Variants in LPCAT3 observed in about 807,000 individuals in gnomAD.
The protein encoded by LPCAT3 is lysophosphatidylcholine acyltransferase 3, also known as lysophospholipid acyltransferase 5.
Under a neutral mutation model 63.4 loss-of-function variants are expected in LPCAT3, and 21 were observed. The ratio of observed to expected loss-of-function variants is 0.33; its 90% CI spans 0.23 to 0.48. The LOEUF (loss-of-function observed/expected upper bound fraction) is 0.48. LPCAT3 is among the 20% of genes least tolerant of loss of function. The pLI, the probability that LPCAT3 is intolerant of heterozygous loss-of-function variation, is 0.99. For synonymous variants in LPCAT3, 242 were observed against 227.5 expected (o/e 1.06, Z -0.58); for missense variants, 451 against 590.6 (o/e 0.76, Z 2.45).
intron 1 of LPCAT3, among the ~76,000 whole-genome samples, chr12:6,996,710 ATTCTT>A (rs782768812): frequency 3.5e-4 from 53 of 152,356 alleles, no homozygotes; most frequent in Non-Finnish European, 6.0e-4. Flanking sequence ...GGTGCTTTCT[ATTCTT>A]AAGGAGCAAA....
intron 1 of LPCAT3, among the ~76,000 whole-genome samples, chr12:6,984,075 G>T (rs143981482): frequency 3.2e-4 from 48 of 152,326 alleles, no homozygotes; most frequent in African/African-American, 1.2e-3. Flanking sequence ...TGTATTATCA[G>T]ATTATGAGGA....
At chr12:6,998,621 C>G (rs991672535) in intron 1 of LPCAT3, among the ~76,000 whole-genome samples, 1 of 152,178 alleles carries the variant, frequency 6.6e-6, no homozygotes, top group Admixed American at 6.5e-5. Context: ...TACAAAATCT[C>G]ATTACTGACC....
chr12:6,989,938 T>A (rs1317954374), intron 1 of LPCAT3, among the ~76,000 whole-genome samples: 6 of 151,982 alleles, frequency 3.9e-5, no homozygotes, highest in Admixed American at 3.9e-4. Flanking sequence ...TTTGGGAGGC[T>A]GAGACGGGAG....
At chr12:6,993,264 CCT>C in intron 1 of LPCAT3, among the ~76,000 whole-genome samples, 1 of 152,064 alleles carries the variant, frequency 6.6e-6, no homozygotes, top group East Asian at 1.9e-4. Context: ...ATGGTGAAAC[CCT>C]GTCTCTACTA....
chr12:6,992,920 A>T (rs1946602591), intron 1 of LPCAT3, among the ~76,000 whole-genome samples: 1 of 152,194 alleles, frequency 6.6e-6, no homozygotes, highest in Non-Finnish European at 1.5e-5. Context: ...GATTACTCAT[A>T]ATACCTAATA....
At chr12:6,999,983 A>T (rs909895980) in intron 1 of LPCAT3, among the ~76,000 whole-genome samples, 1 of 139,282 alleles carries the variant, frequency 7.2e-6, no homozygotes. Flanking sequence ...GCAGTAGTGC[A>T]GTCTTGGCTC....
chr12:6,978,750 A>G, intron 7 of LPCAT3, 61 bp from the exon 8 acceptor site: 3 of 1,593,772 alleles, frequency 1.9e-6, no homozygotes, highest in Non-Finnish European at 2.6e-6. Context: ...TTCTCTCAGC[A>G]CTCTTCCTTT....
At chr12:7,007,764 G>A (rs1459629507) in intron 1 of LPCAT3, among the ~76,000 whole-genome samples, 2 of 151,962 alleles carry the variant, frequency 1.3e-5, no homozygotes, top group Non-Finnish European at 2.9e-5. Context: ...CAAAGTGCTG[G>A]GATTACAGGC....
At chr12:6,980,982 C>G (rs782406411) in intron 6 of LPCAT3, 22 bp downstream of exon 6, 1 of 1,559,588 alleles carries the variant, frequency 6.4e-7, no homozygotes, top group East Asian at 2.3e-5. Flanking sequence ...ACACAAACAT[C>G]TGGACCAAGA....
chr12:7,011,026 T>C (rs1555157178), intron 1 of LPCAT3, among the ~76,000 whole-genome samples: 1 of 152,128 alleles, frequency 6.6e-6, no homozygotes, highest in African/African-American at 2.4e-5. Flanking sequence ...ATTTATTTAT[T>C]TATTTTTGAG....
rs1043535912 is a variant in LPCAT3, at chr12:6,987,069, C to T, written c.152-3530G>A. Among the ~76,000 whole-genome samples the T allele has an allele frequency of 4.0e-5, 6 of 151,572 alleles. No homozygotes were observed. Among genetic ancestry groups the T allele is most frequent in the South Asian group, 2.1e-4 (1 of 4,818 alleles). On this transcript the variant is annotated intron_variant, in intron 1 of 12. Transcript: ENST00000261407. The surrounding 1 kb of genome is among the most constrained non-coding windows in gnomAD (Gnocchi z 4.1). ...CGGAGGTGGCAGTGAGCTGAGATCA[C>T]GCCATTGCACTCCAGCTTGGGCAAC...
chr12:6,999,193 C>G (rs1555156328), intron 1 of LPCAT3, among the ~76,000 whole-genome samples: 1 of 152,108 alleles, frequency 6.6e-6, no homozygotes, highest in East Asian at 1.9e-4. Context: ...TTTAGGTGTA[C>G]TTTCTTTGTT....
chr12:6,981,569 C>T (rs1555154067), intron 5 of LPCAT3, 26 bp downstream of exon 5: 2 of 1,612,426 alleles, frequency 1.2e-6, no homozygotes, highest in African/African-American at 2.7e-5. Context: ...AGTCTTGAAC[C>T]TCTCTGCCGA....
Position 6,981,022 on chromosome 12 carries a change from G to T in LPCAT3, c.659C>A (p.Pro220Gln). ...KLVQGELIDIPGKIPNSIIPA... is the reference protein window; with the variant it reads ...KLVQGELIDIQGKIPNSIIPA... ...CAATTACCTGTTTGGTATCTTTCCTGGTATGTCAATCAGCTCTCCCTGCAC... is the reference window on the plus strand; with the variant it reads ...CAATTACCTGTTTGGTATCTTTCCTTGTATGTCAATCAGCTCTCCCTGCAC... The change falls in exon 6 of 13, where the codon CCA (proline) becomes CAA (glutamine). Residue 220 changes from proline (P) to glutamine (Q), a missense_variant. Coordinates refer to ENST00000261407, the MANE Select transcript of LPCAT3 (RefSeq NM_005768.6). 6.2e-7 allele frequency: 1 copy of T among 1,601,582 alleles called. No individual in the cohort carries two copies. Among genetic ancestry groups the T allele is most frequent in the African/African-American group, 1.3e-5 (1 of 74,204 alleles).
chr12:6,984,410 C>A (rs1946501690), intron 1 of LPCAT3, among the ~76,000 whole-genome samples: 1 of 152,216 alleles, frequency 6.6e-6, no homozygotes, highest in African/African-American at 2.4e-5. Flanking sequence ...TGCAGACTCA[C>A]CTTCAGTGTT....
intron 3 of LPCAT3, 145 bp from the exon 4 acceptor site, chr12:6,982,049 C>T: frequency 1.6e-6 from 1 of 619,386 alleles, no homozygotes; most frequent in Non-Finnish European, 2.9e-6. Flanking sequence ...GTGCTGAAAA[C>T]CTGTAATGGG....
chr12:6,977,094 G>T lies in LPCAT3; in HGVS notation c.*12+40C>A. On this transcript the variant is annotated intron_variant, in intron 12 of 12. Coordinates refer to ENST00000261407, the MANE Select transcript of LPCAT3 (RefSeq NM_005768.6). The surrounding 1 kb of genome is among the most constrained non-coding windows in gnomAD (Gnocchi z 4.5). The stretch of plus-strand genomic sequence containing the variant: ...TTTTTCCAGTCTGTTGCTCTATTCT[G>T]TAACCTGGTGGTAGTTTTAGTTTAG... 1 of 1,238,472 alleles carries T rather than the reference G, an allele frequency of 8.1e-7. No individual in the cohort carries two copies. The highest frequency in any genetic ancestry group is 2.3e-5 in the East Asian group (1 of 42,938). The allele number at this position is 1,238,472 out of a possible 1,614,324, so 76.7% of individuals were successfully genotyped here. A position where few individuals can be genotyped will look rare whatever the true frequency, so the allele number is the denominator to read the frequency against.
intron 1 of LPCAT3, among the ~76,000 whole-genome samples, chr12:7,007,558 G>A (rs1279956617): frequency 1.4e-4 from 20 of 141,026 alleles, no homozygotes; most frequent in African/African-American, 5.4e-4. Context: ...GCAATGGTAC[G>A]ATCTCGGCTC....
At position 7,002,732 on chromosome 12, in the gene LPCAT3, C is replaced by T. The variant is rs1334664859; in HGVS notation, c.151+15542G>A. 4.6e-5 allele frequency among the ~76,000 whole-genome samples: 7 copies of T among 152,168 alleles called. No homozygotes were observed. The East Asian group carries it at 5.8e-4, about 13-fold the overall frequency. On this transcript the variant is annotated intron_variant, in intron 1 of 12. Transcript: ENST00000261407. ...GAATTCTATAAAATATTTTTCTGGC[C>T]GGGCGCAGTGGCTAACGCCTGTAAT...
Sources: allele counts gnomAD v4.1 joint callset (sites outside exome capture counted in the v4.1 genomes callset), GRCh38; gene constraint gnomAD v4.1.1; non-coding constraint Gnocchi (gnomAD v3.1); transcripts MANE v1.5; gene names NCBI Gene and HGNC (gene_info 2026-07-23, HGNC 2026-07-21).